The following CNBD1 variants were observed in gnomAD, a reference collection of about 807,000 sequenced individuals.
CNBD1 encodes cyclic nucleotide-binding domain-containing protein 1.
CNBD1 carries 71 observed loss-of-function variants against 54.4 expected under a neutral mutation model. The observed-to-expected ratio is 1.30, with a 90% CI of 1.08 to 1.59. The LOEUF (loss-of-function observed/expected upper bound fraction) is 1.59, where lower values mean the gene tolerates loss of function less well. Ranked by LOEUF, CNBD1 falls within the 40% of genes most tolerant of loss-of-function variation. The probability of loss-of-function intolerance (pLI) is 0.00; values close to 1 mark genes in which losing one functional copy is unlikely to be tolerated. For synonymous variants in CNBD1, 182 were observed against 170.7 expected (o/e 1.07, Z -0.51); for missense variants, 659 against 518.0 (o/e 1.27, Z -2.64).
intron 4 of CNBD1, among the ~76,000 whole-genome samples, chr8:87,114,333 C>T (rs964810089): frequency 6.6e-6 from 1 of 152,088 alleles, no homozygotes; most frequent in Non-Finnish European, 1.5e-5. Context: ...GTTGTCATTT[C>T]ATCTCCTGAA....
intron 4 of CNBD1, 149 bp from the exon 5 acceptor site, chr8:87,205,844 A>G (rs1474222192): frequency 1.7e-5 from 9 of 542,740 alleles, no homozygotes; most frequent in Admixed American, 4.3e-5. Flanking sequence ...GTTGATTAGT[A>G]AGAAAAAATA....
chr8:87,420,446 C>T (rs1407356010), intron 2 of CNBD1, among the ~76,000 whole-genome samples: 1 of 152,024 alleles, frequency 6.6e-6, no homozygotes, highest in Non-Finnish European at 1.5e-5. Flanking sequence ...CATGGTATTT[C>T]TGCACCCTGT....
At chr8:87,259,015 C>G (rs745565022) in intron 6 of CNBD1, among the ~76,000 whole-genome samples, 9 of 152,174 alleles carry the variant, frequency 5.9e-5, no homozygotes, top group Non-Finnish European at 1.0e-4. Flanking sequence ...TTCTAATAAT[C>G]TCTTACCAAA....
At chr8:87,065,728 A>T (rs187844442) in intron 4 of CNBD1, among the ~76,000 whole-genome samples, 8 of 152,062 alleles carry the variant, frequency 5.3e-5, no homozygotes, top group African/African-American at 1.9e-4. Flanking sequence ...GCCTTTATGT[A>T]AATATTTTTA....
intron 5 of CNBD1, among the ~76,000 whole-genome samples, chr8:87,208,903 A>G (rs568920924): frequency 6.6e-6 from 1 of 152,090 alleles, no homozygotes; most frequent in East Asian, 1.9e-4. Context: ...AAATATTTTT[A>G]TATTACTAAG....
chr8:87,297,185 A>AG (rs1563541755), intron 8 of CNBD1, among the ~76,000 whole-genome samples: 8 of 148,796 alleles, frequency 5.4e-5, no homozygotes, highest in East Asian at 1.9e-4. Context: ...AAAAAAAAAA[A>AG]GGAAAAAATT....
chr8:87,310,845 G>T (rs1038201544), intron 8 of CNBD1, among the ~76,000 whole-genome samples: 1 of 152,042 alleles, frequency 6.6e-6, no homozygotes, highest in Non-Finnish European at 1.5e-5. Flanking sequence ...GCAACTGTCA[G>T]TCTTTGATAA....
At chr8:87,133,651 G>A (rs1313785996) in intron 4 of CNBD1, among the ~76,000 whole-genome samples, 1 of 150,732 alleles carries the variant, frequency 6.6e-6, no homozygotes, top group East Asian at 1.9e-4. Flanking sequence ...TTAATAGCCT[G>A]AAATATTTGC....
rs987717868 is a variant in CNBD1, at chr8:87,221,536, A to G, written c.578-15383A>G. On this transcript the variant is annotated intron_variant, in intron 5 of 10. Coordinates refer to ENST00000518476, the MANE Select transcript of CNBD1 (RefSeq NM_173538.3). ...TTGTATCTACATTTCAAGATCCATC[A>G]TAAATGCTTCTTTTTCATAAAGTCA... 3.9e-5 allele frequency among the ~76,000 whole-genome samples: 6 copies of G among 152,122 alleles called. No individual in the cohort carries two copies. The East Asian group carries it at 1.2e-3, about 29-fold the overall frequency.
Position 87,127,929 on chromosome 8 carries a change from G to T in CNBD1, c.432-78064G>T, listed in dbSNP as rs141254108. 2.0e-5 allele frequency among the ~76,000 whole-genome samples: 3 copies of T among 152,106 alleles called. No homozygotes were observed. The East Asian group carries it at 5.8e-4, about 29-fold the overall frequency. ...AGTTGCCTTTTGGTCTGCCATGCCC[G>T]CCTATCCTGTACCCATATAAACCCC... On this transcript the variant is annotated intron_variant, in intron 4 of 10. Transcript: ENST00000518476.
At chr8:86,895,650 T>C (rs568883761) in intron 2 of CNBD1, among the ~76,000 whole-genome samples, 30 of 152,286 alleles carry the variant, frequency 2.0e-4, no homozygotes, top group Non-Finnish European at 3.5e-4. Flanking sequence ...TTCTAGTAAA[T>C]GTGTAGTGGT....
chr8:87,366,413 C>T (rs1189749549), intron 10 of CNBD1, among the ~76,000 whole-genome samples: 1 of 152,030 alleles, frequency 6.6e-6, no homozygotes, highest in Non-Finnish European at 1.5e-5. Context: ...CCATCTGGCC[C>T]TCTCCATCTC....
chr8:87,074,436 C>A (rs1810825399), intron 4 of CNBD1, among the ~76,000 whole-genome samples: 1 of 152,074 alleles, frequency 6.6e-6, no homozygotes, highest in African/African-American at 2.4e-5. Context: ...TATGTACAGA[C>A]AGATCTCCCA....
At chr8:87,391,325 A>C (rs1231232647) in intron 2 of CNBD1, among the ~76,000 whole-genome samples, 1 of 152,110 alleles carries the variant, frequency 6.6e-6, no homozygotes, top group Non-Finnish European at 1.5e-5. Context: ...GTCCCTATCA[A>C]AACCCCAGCT....
intron 2 of CNBD1, among the ~76,000 whole-genome samples, chr8:87,409,186 A>T (rs1807699311): frequency 6.6e-6 from 1 of 152,178 alleles, no homozygotes; most frequent in Admixed American, 6.6e-5. Context: ...AGAAAATTAA[A>T]AAGTTTTACT....
At position 86,939,628 on chromosome 8, in the gene CNBD1, A is replaced by C. The variant is rs758647142; in HGVS notation, c.305A>C (p.His102Pro). Residue 102 changes from histidine to proline, a missense_variant, in exon 4 of 11, where the codon CAT becomes CCT. By Grantham distance (77) the His-to-Pro change is moderately conservative. Coordinates refer to ENST00000518476, the MANE Select transcript of CNBD1 (RefSeq NM_173538.3). The part of the protein sequence containing the change: ...ELNEGKEESQ[H>P]QQPDDSNNIA... The stretch of plus-strand genomic sequence containing the variant: ...AATGAAGGCAAAGAGGAAAGTCAAC[A>C]TCAACAACCTGATGATTCTAACAAT... The C allele has an allele frequency of 6.3e-7, 1 of 1,598,952 alleles. No individual in the cohort carries two copies. Among genetic ancestry groups the C allele is most frequent in the Non-Finnish European group, 8.5e-7 (1 of 1,174,630 alleles).
chr8:87,404,552 A>C (rs751727767), intron 2 of CNBD1, among the ~76,000 whole-genome samples: 1 of 152,096 alleles, frequency 6.6e-6, no homozygotes, highest in Non-Finnish European at 1.5e-5. Flanking sequence ...GAATTAATTA[A>C]TACAACTCAC....
At chr8:87,029,054 CTT>C (rs1809721472) in intron 4 of CNBD1, among the ~76,000 whole-genome samples, 2 of 152,274 alleles carry the variant, frequency 1.3e-5, no homozygotes, top group Non-Finnish European at 2.9e-5. Flanking sequence ...ATTATTTAAA[CTT>C]ATATTTATTC....
At position 86,866,598 on chromosome 8, in the gene CNBD1, C is replaced by T. The variant is rs768824716; in HGVS notation, c.88+15C>T. On this transcript the variant is annotated intron_variant, in intron 1 of 10. Transcript: ENST00000518476. ...CAGTATACCAAGTGAGTGGGAAATA[C>T]TTTGATGCTCTTATTCACCTACCAT... is the stretch of plus-strand genomic sequence containing the variant. The T allele has an allele frequency of 6.4e-7, 1 of 1,560,292 alleles. No homozygotes were observed. Among genetic ancestry groups the T allele is most frequent in the African/African-American group, 1.4e-5 (1 of 73,980 alleles).
Sources: gnomAD v4.1 joint callset for allele counts (sites outside exome capture counted in the v4.1 genomes callset) on GRCh38, gnomAD v4.1.1 for gene constraint, MANE v1.5 for transcripts, NCBI Gene and HGNC (gene_info 2026-07-23, HGNC 2026-07-21) for gene names.